The following NTAN1 variants were observed in gnomAD, a reference collection of about 807,000 sequenced individuals.
NTAN1 encodes the protein protein N-terminal asparagine amidohydrolase.
NTAN1 carries 32 observed loss-of-function variants against 41.9 expected under a neutral mutation model. That is an observed-to-expected ratio of 0.76 (90% CI 0.58 to 1.03). The LOEUF is 1.03. Among genes scored for constraint, NTAN1 ranks in the 50% least tolerant of loss-of-function variants. The probability of loss-of-function intolerance (pLI) is 0.00; values close to 1 mark genes in which losing one functional copy is unlikely to be tolerated. For synonymous variants in NTAN1, 140 were observed against 139.5 expected, an observed-to-expected ratio of 1.00 and a Z score of -0.03; for missense variants, 377 against 377.5, an observed-to-expected ratio of 1.00 and a Z score of 0.01.
intron 4 of NTAN1, 104 bp downstream of exon 4, chr16:15,047,337 CG>C: frequency 1.3e-6 from 1 of 771,302 alleles, no homozygotes; most frequent in South Asian, 1.5e-5. Context: ...GAGGCAGACA[CG>C]GCAGTGGTGG....
At chr16:15,039,946 A>C in intron 8 of NTAN1, 23 bp downstream of exon 8, 1 of 1,421,142 alleles carries the variant, frequency 7.0e-7, no homozygotes. Context: ...TTAACCCCTT[A>C]ACAAAGATGA....
chr16:15,040,861 A>G (rs2043784352), intron 7 of NTAN1, among the ~76,000 whole-genome samples: 1 of 152,180 alleles, frequency 6.6e-6, no homozygotes, highest in Admixed American at 6.5e-5. Flanking sequence ...CAAAGTCTTA[A>G]GAAGTGAATG....
chr16:15,049,278 C>T (rs2151720623), intron 1 of NTAN1, among the ~76,000 whole-genome samples: 1 of 152,302 alleles, frequency 6.6e-6, no homozygotes, highest in South Asian at 2.1e-4. Context: ...ATCCACCCAC[C>T]TTGGCCTCCT....
rs534463977 is a variant in NTAN1, at chr16:15,040,018, C to G, written c.590G>C (p.Arg197Pro). 6.2e-7 allele frequency: 1 copy of G among 1,612,068 alleles called. No homozygotes were observed. The highest frequency in any genetic ancestry group is 8.5e-7 in the Non-Finnish European group (1 of 1,178,442). Reference protein sequence around the residue: ...AEIYRASFQDRGPEEQLRAAR... With the variant: ...AEIYRASFQDPGPEEQLRAAR... Reference sequence around the variant, plus strand: ...AGCACGAAGCTGCTCCTCCGGACCCCGATCTTGAAAGGATGCTCTGTAAAT... The same window carrying G: ...AGCACGAAGCTGCTCCTCCGGACCCGGATCTTGAAAGGATGCTCTGTAAAT... The change falls in exon 8 of 10, where the codon CGG becomes CCG. Residue 197 changes from arginine to proline, a missense_variant. Physicochemically the swap from Arg to Pro is moderately radical, Grantham distance 103. Coordinates refer to ENST00000287706, the MANE Select transcript of NTAN1 (RefSeq NM_173474.4).
Position 15,041,611 on chromosome 16 carries a change from G to C in NTAN1, c.487+12C>G. 1 of 1,601,148 alleles carries C rather than the reference G, an allele frequency of 6.2e-7. No individual in the cohort carries two copies. The highest frequency in any genetic ancestry group is 1.1e-5 in the South Asian group (1 of 90,800). On this transcript the variant is annotated intron_variant, in intron 6 of 9. Transcript: ENST00000287706. Reference sequence around the variant, plus strand: ...CCCACATCTTTGCTTTGGGGCAAATGGCAGGACTTACCTGTCACACATAAT... The same window carrying C: ...CCCACATCTTTGCTTTGGGGCAAATCGCAGGACTTACCTGTCACACATAAT...
At chr16:15,044,676 C>G (rs1009875646) in intron 4 of NTAN1, 7 of 518,360 alleles carry the variant, frequency 1.4e-5, no homozygotes, top group African/African-American at 1.3e-4. Flanking sequence ...CAGTGGGGAA[C>G]TTTGCTCTGG....
Position 15,048,028 on chromosome 16 carries a change from T to C in NTAN1, c.153A>G (p.Gln51=), listed in dbSNP as rs1397252862. 3.7e-6 allele frequency: 6 copies of C among 1,613,416 alleles called. No individual in the cohort carries two copies. The highest frequency in any genetic ancestry group is 4.2e-6 in the Non-Finnish European group (5 of 1,179,456). ...TTGGGGAGGTCACTGCAAGCTCTCT[T>C]TGCTGAACATACAGAAGGCCCTGGG... ...VGPQGLLYVQ[Q]RELAVTSPKD... The change falls in exon 2 of 10, where the codon CAA becomes CAG. Residue 51 remains glutamine (Q), a synonymous_variant. Coordinates refer to ENST00000287706, the MANE Select transcript of NTAN1 (RefSeq NM_173474.4).
intron 4 of NTAN1, chr16:15,045,741 C>G (rs1249116236): frequency 6.6e-6 from 1 of 152,302 alleles, no homozygotes; most frequent in Non-Finnish European, 1.5e-5. Flanking sequence ...CTTTCTTGAA[C>G]CCAGTGTTTC....
intron 1 of NTAN1, among the ~76,000 whole-genome samples, chr16:15,051,181 T>C (rs149173906): frequency 1.6e-4 from 25 of 152,352 alleles, no homozygotes; most frequent in East Asian, 9.6e-4. Flanking sequence ...ATGTTCACAA[T>C]TGGGTCACCA....
intron 1 of NTAN1, among the ~76,000 whole-genome samples, chr16:15,050,356 G>T (rs1219706839): frequency 6.6e-6 from 1 of 152,184 alleles, no homozygotes; most frequent in Middle Eastern, 3.2e-3. Flanking sequence ...TACACAGGAA[G>T]ACAGTTTTGC....
Position 15,047,861 on chromosome 16 carries a change from G to A in NTAN1, c.244C>T (p.His82Tyr). ...ATTCHIVVLR[H>Y]TGNGATCLTH... ...TTCACCTCTCTCATCATACCTGTGT[G>A]CCTCAGGACCACAATGTGACAAGTA... The change falls in exon 3 of 10, where the codon CAC (histidine) becomes TAC (tyrosine). Residue 82 changes from histidine to tyrosine, a missense_variant. His to Tyr is a moderately conservative substitution (Grantham distance 83). Coordinates refer to ENST00000287706, the MANE Select transcript of NTAN1 (RefSeq NM_173474.4). The A allele has an allele frequency of 6.2e-7, 1 of 1,610,916 alleles. No individual in the cohort carries two copies. The highest frequency in any genetic ancestry group is 8.5e-7 in the Non-Finnish European group (1 of 1,177,032).
In NTAN1 at chr16:15,040,112, C is replaced by T. The variant is rs376355936; in HGVS notation, c.542-46G>A. 23 of 1,083,488 alleles carry T rather than the reference C, an allele frequency of 2.1e-5. No homozygotes were observed. The African/African-American group carries it at 2.3e-4, about 11-fold the overall frequency. 67.1% of individuals were successfully genotyped at this position (1,083,488 alleles called of 1,614,324 possible). On this transcript the variant is annotated intron_variant, in intron 7 of 9. Coordinates refer to ENST00000287706, the MANE Select transcript of NTAN1 (RefSeq NM_173474.4). ...ACTCTGAATTGACAAAAGACCAAAG[C>T]GGAAAGTCTGCACAGTCTTACATTT...
At chr16:15,046,826 G>C (rs1375082930) in intron 4 of NTAN1, among the ~76,000 whole-genome samples, 1 of 151,224 alleles carries the variant, frequency 6.6e-6, no homozygotes, top group Non-Finnish European at 1.5e-5. Context: ...AGTAAGCTGA[G>C]ATCACACAAC....
chr16:15,038,950 G>C (rs765285328), intron 8 of NTAN1, among the ~76,000 whole-genome samples: 1 of 152,290 alleles, frequency 6.6e-6, no homozygotes, highest in Non-Finnish European at 1.5e-5. Context: ...GTGAAAACTT[G>C]AGGCTCAGAG....
chr16:15,053,947 C>T (rs113788960), intron 1 of NTAN1, among the ~76,000 whole-genome samples: 1,603 of 152,166 alleles, frequency 0.011, 30 homozygotes, highest in African/African-American at 0.037. Context: ...AAACAAAAAA[C>T]CCAACCTTTA....
At chr16:15,055,573 C>A (rs2044476920) in intron 1 of NTAN1, among the ~76,000 whole-genome samples, 1 of 152,234 alleles carries the variant, frequency 6.6e-6, no homozygotes, top group Non-Finnish European at 1.5e-5. Context: ...CCTATGGGGG[C>A]TGCAGCCGCC....
intron 1 of NTAN1, among the ~76,000 whole-genome samples, chr16:15,053,424 A>G (rs2151732824): frequency 6.6e-6 from 1 of 152,364 alleles, no homozygotes; most frequent in Non-Finnish European, 1.5e-5. Flanking sequence ...CTCAGAACAC[A>G]TCGTTACATG....
intron 1 of NTAN1, among the ~76,000 whole-genome samples, chr16:15,055,518 G>C (rs1048628043): frequency 3.9e-5 from 6 of 152,234 alleles, no homozygotes; most frequent in Non-Finnish European, 8.8e-5. Flanking sequence ...CGCAGGCTGC[G>C]GGTCCCCGAA....
intron 1 of NTAN1, among the ~76,000 whole-genome samples, chr16:15,049,893 A>C (rs992666090): frequency 2.0e-5 from 3 of 152,240 alleles, no homozygotes; most frequent in African/African-American, 7.2e-5. Context: ...AAGTATAAAA[A>C]ATGTTTTAAA....
Sources: gnomAD v4.1 joint callset for allele counts (sites outside exome capture counted in the v4.1 genomes callset) on GRCh38, gnomAD v4.1.1 for gene constraint, MANE v1.5 for transcripts, NCBI Gene and HGNC (gene_info 2026-07-23, HGNC 2026-07-21) for gene names.